ZNF365: variants seen among roughly 807,000 people sequenced by gnomAD.
The protein encoded by ZNF365 is protein ZNF365.
In ZNF365, 22 loss-of-function variants were observed where a neutral mutation model predicts 35.0. The ratio of observed to expected loss-of-function variants is 0.63; its 90% CI spans 0.45 to 0.90. The LOEUF (loss-of-function observed/expected upper bound fraction) is 0.90. Ranked by LOEUF, ZNF365 falls within the 40% of genes least tolerant of loss-of-function variation. ZNF365 has a pLI of 0.00. For synonymous variants in ZNF365, 188 were observed against 196.2 expected (o/e 0.96, Z 0.35); for missense variants, 448 against 500.3 (o/e 0.90, Z 1.00).
chr10:62,430,329 C>T (rs1298156282), intron 3 of ZNF365, among the ~76,000 whole-genome samples: 63 of 150,676 alleles, frequency 4.2e-4, no homozygotes, highest in African/African-American at 1.4e-3. Context: ...TACAGGTGCC[C>T]GCCACCACGC....
At chr10:62,453,667 G>T (rs1377830819) in intron 3 of ZNF365, among the ~76,000 whole-genome samples, 1 of 152,092 alleles carries the variant, frequency 6.6e-6, no homozygotes, top group Non-Finnish European at 1.5e-5. Context: ...GGGATTGCTG[G>T]ATCAAATGGT....
At position 62,376,921 on chromosome 10, in the gene ZNF365, T is replaced by G. The variant is rs1161588188; in HGVS notation, c.728T>G (p.Leu243Arg). The G allele has an allele frequency of 6.2e-7, 1 of 1,610,406 alleles. No homozygotes were observed. The highest frequency in any genetic ancestry group is 1.1e-5 in the South Asian group (1 of 90,934). ...RQRLTESEEE[L>R]LRKEEEVVTF... The stretch of plus-strand genomic sequence containing the variant: ...CGCCTGACGGAATCTGAGGAGGAGC[T>G]TCTTAGGAAAGAAGAGTAAGTGTTG... Residue 243 changes from leucine (L) to arginine (R), a missense_variant, in exon 2 of 5, where the codon CTT becomes CGT. By Grantham distance (102) the Leu-to-Arg change is moderately radical. Coordinates refer to ENST00000395254, the MANE Select transcript of ZNF365 (RefSeq NM_014951.3).
chr10:62,468,051 A>G (rs1431360938), intron 4 of ZNF365, among the ~76,000 whole-genome samples: 1 of 152,186 alleles, frequency 6.6e-6, no homozygotes, highest in Non-Finnish European at 1.5e-5. Context: ...CAAAAATTGC[A>G]CATTTTTATG....
chr10:62,384,887 T>G (rs966257962), intron 2 of ZNF365, among the ~76,000 whole-genome samples: 5 of 152,228 alleles, frequency 3.3e-5, no homozygotes, highest in African/African-American at 1.2e-4. Context: ...TGCAATGTGT[T>G]TAACCCCTTT....
At chr10:62,415,787 A>G (rs767112840) in intron 3 of ZNF365, among the ~76,000 whole-genome samples, 11 of 152,130 alleles carry the variant, frequency 7.2e-5, no homozygotes, top group Non-Finnish European at 1.2e-4. Context: ...GCTGGTATTT[A>G]GTTTTAACAG....
chr10:62,475,189 C>T (rs549712972), intron 4 of ZNF365, among the ~76,000 whole-genome samples: 15 of 152,166 alleles, frequency 9.9e-5, no homozygotes, highest in Admixed American at 5.2e-4. Flanking sequence ...CACTTAATTC[C>T]TCACAATGGA....
intron 3 of ZNF365, among the ~76,000 whole-genome samples, chr10:62,392,140 A>G (rs1299025951): frequency 6.6e-6 from 1 of 151,902 alleles, no homozygotes; most frequent in East Asian, 1.9e-4. Flanking sequence ...TAGATTCTGG[A>G]TATTAGTCCT....
At chr10:62,480,243 T>C (rs1841201361) in exon 5 of ZNF365, 1 of 1,027,746 alleles carries the variant, frequency 9.7e-7, no homozygotes. Context: ...GCTTGGGACA[T>C]GGCAGGTACT....
chr10:62,449,582 C>T (rs1013992664), intron 3 of ZNF365, among the ~76,000 whole-genome samples: 1 of 152,090 alleles, frequency 6.6e-6, no homozygotes, highest in South Asian at 2.1e-4. Flanking sequence ...GAACATTTTA[C>T]AATATAATAT....
intron 4 of ZNF365, among the ~76,000 whole-genome samples, chr10:62,468,943 T>C (rs1329767663): frequency 6.6e-6 from 1 of 152,222 alleles, no homozygotes; most frequent in Non-Finnish European, 1.5e-5. Context: ...ATCAAGATCC[T>C]GAAACACTTC....
intron 3 of ZNF365, among the ~76,000 whole-genome samples, chr10:62,417,665 CTT>C (rs34591284): frequency 0.56 from 84,012 of 150,300 alleles, 24,851 homozygotes; most frequent in East Asian, 0.75. Context: ...AATCTCCTGT[CTT>C]TTTTTTTTTA....
intron 4 of ZNF365, among the ~76,000 whole-genome samples, chr10:62,468,855 T>C (rs1483960002): frequency 6.6e-6 from 1 of 152,232 alleles, no homozygotes. Context: ...ATTTTCCACT[T>C]AATGGGTGCC....
intron 3 of ZNF365, among the ~76,000 whole-genome samples, chr10:62,442,146 A>G (rs937553810): frequency 1.3e-5 from 2 of 152,186 alleles, no homozygotes; most frequent in African/African-American, 4.8e-5. Context: ...CTTATATGGA[A>G]ACAGAGTGTA....
chr10:62,387,092 C>T (rs1839538086), intron 2 of ZNF365, among the ~76,000 whole-genome samples: 1 of 152,138 alleles, frequency 6.6e-6, no homozygotes, highest in African/African-American at 2.4e-5. Context: ...CATTAGCTCC[C>T]CTGGGACTTG....
chr10:62,451,998 G>C (rs947866318), intron 3 of ZNF365, among the ~76,000 whole-genome samples: 7 of 152,232 alleles, frequency 4.6e-5, no homozygotes, highest in Admixed American at 2.6e-4. Context: ...TTGTCAGAGA[G>C]ACAGGATAAG....
chr10:62,380,368 TTAA>T (rs1468182353), intron 2 of ZNF365, among the ~76,000 whole-genome samples: 6 of 152,270 alleles, frequency 3.9e-5, no homozygotes, highest in African/African-American at 1.4e-4. Flanking sequence ...TATGATTATC[TTAA>T]TAACATTTTC....
intron 3 of ZNF365, among the ~76,000 whole-genome samples, chr10:62,443,287 T>C (rs907971756): frequency 6.6e-6 from 1 of 152,192 alleles, no homozygotes; most frequent in Non-Finnish European, 1.5e-5. Flanking sequence ...AGCATATAAT[T>C]AGTTATTCCA....
At chr10:62,436,207 C>T (rs1235417171) in intron 3 of ZNF365, among the ~76,000 whole-genome samples, 1 of 151,960 alleles carries the variant, frequency 6.6e-6, no homozygotes, top group Non-Finnish European at 1.5e-5. Context: ...CTGGCAATCC[C>T]ACCAGGCAAG....
chr10:62,477,520 C>T (rs145383860), intron 4 of ZNF365, among the ~76,000 whole-genome samples: 1 of 152,152 alleles, frequency 6.6e-6, no homozygotes, highest in African/African-American at 2.4e-5. Flanking sequence ...AGGCACATTA[C>T]TTGGCATTAT....
Sources: allele counts gnomAD v4.1 joint callset (sites outside exome capture counted in the v4.1 genomes callset), GRCh38; gene constraint gnomAD v4.1.1; transcripts MANE v1.5; gene names NCBI Gene and HGNC (gene_info 2026-07-23, HGNC 2026-07-21).